Variants in ZNF536 observed in about 807,000 individuals in gnomAD.
ZNF536 encodes the protein zinc finger protein 536.
ZNF536 carries 13 observed loss-of-function variants against 84.5 expected under a neutral mutation model. The observed-to-expected ratio is 0.15, with a 90% CI of 0.10 to 0.24. The LOEUF (loss-of-function observed/expected upper bound fraction) is 0.24. Among genes scored for constraint, ZNF536 ranks in the 10% least tolerant of loss-of-function variants. The pLI is 1.00. For missense variants in ZNF536, 1,536 were observed against 1,747.5 expected, an observed-to-expected ratio of 0.88 and a Z score of 2.16; for synonymous variants, 811 against 742.5, an observed-to-expected ratio of 1.09 and a Z score of -1.50.
At chr19:30,644,176 C>T (rs1432826082) in intron 1 of ZNF536, among the ~76,000 whole-genome samples, 1 of 152,184 alleles carries the variant, frequency 6.6e-6, no homozygotes, top group Non-Finnish European at 1.5e-5. Context: ...GATCTGCAGT[C>T]AAAACACAGT....
chr19:30,631,429 CAG>C (rs1182484544), intron 1 of ZNF536, among the ~76,000 whole-genome samples: 1 of 152,206 alleles, frequency 6.6e-6, no homozygotes, highest in Non-Finnish European at 1.5e-5. Context: ...CCCCTCCCAC[CAG>C]GGTCCATGGA....
intron 2 of ZNF536, among the ~76,000 whole-genome samples, chr19:30,468,386 G>T (rs537101561): frequency 6.6e-6 from 1 of 152,174 alleles, no homozygotes; most frequent in East Asian, 1.9e-4. Flanking sequence ...GCCAAGCTTC[G>T]GTGGGCCTGG....
At chr19:30,435,665 CT>C (rs1413257198) in intron 1 of ZNF536, among the ~76,000 whole-genome samples, 1 of 152,070 alleles carries the variant, frequency 6.6e-6, no homozygotes, top group Non-Finnish European at 1.5e-5. Flanking sequence ...AGTCCATAGT[CT>C]TAACAACTAC....
At chr19:30,411,457 T>TA (rs1407223245) in intron 1 of ZNF536, among the ~76,000 whole-genome samples, 1 of 152,190 alleles carries the variant, frequency 6.6e-6, no homozygotes, top group Non-Finnish European at 1.5e-5. Flanking sequence ...CCAAGGATTA[T>TA]AAAAAAATTC....
chr19:30,395,029 G>A (rs560221259), intron 1 of ZNF536, among the ~76,000 whole-genome samples: 3 of 152,282 alleles, frequency 2.0e-5, no homozygotes, highest in African/African-American at 7.2e-5. Context: ...TCAGGGTTTA[G>A]TGTAATCCTT....
At chr19:30,515,752 C>T (rs2055611910) in intron 2 of ZNF536, among the ~76,000 whole-genome samples, 1 of 152,036 alleles carries the variant, frequency 6.6e-6, no homozygotes, top group Admixed American at 6.6e-5. Flanking sequence ...GGCGTGGTGG[C>T]TCACCCCTAT....
At chr19:30,431,901 C>T (rs1467828952) in intron 1 of ZNF536, among the ~76,000 whole-genome samples, 3 of 151,918 alleles carry the variant, frequency 2.0e-5, no homozygotes, top group African/African-American at 4.8e-5. Flanking sequence ...AGAAAGCCAG[C>T]GAGAGGAGAG....
chr19:30,248,134 G>A (rs1361742132), intron 1 of ZNF536, among the ~76,000 whole-genome samples: 2 of 152,090 alleles, frequency 1.3e-5, no homozygotes, highest in Non-Finnish European at 2.9e-5. Flanking sequence ...ACAAGGAAAT[G>A]ACTGATTGGT....
At chr19:30,436,227 C>T (rs1019750015) in intron 1 of ZNF536, among the ~76,000 whole-genome samples, 4 of 152,210 alleles carry the variant, frequency 2.6e-5, no homozygotes, top group African/African-American at 9.7e-5. Flanking sequence ...AGTTGTCATT[C>T]TCCACAGCCT....
At chr19:30,415,294 C>G (rs2084153582) in intron 1 of ZNF536, among the ~76,000 whole-genome samples, 1 of 142,606 alleles carries the variant, frequency 7.0e-6, no homozygotes, top group African/African-American at 2.6e-5. Context: ...CCTTCTTCTT[C>G]TTCTTCTTCT....
intron 2 of ZNF536, among the ~76,000 whole-genome samples, chr19:30,460,941 C>T (rs1357379407): frequency 6.6e-6 from 1 of 152,166 alleles, no homozygotes; most frequent in Non-Finnish European, 1.5e-5. Flanking sequence ...GCCTCTTCCC[C>T]AGGTAGAAAC....
intron 1 of ZNF536, among the ~76,000 whole-genome samples, chr19:30,425,862 T>A (rs2051191341): frequency 6.6e-6 from 1 of 152,202 alleles, no homozygotes; most frequent in African/African-American, 2.4e-5. Context: ...GGGACTGTGG[T>A]GGGCATGGAT....
chr19:30,511,802 C>T (rs942169194), intron 2 of ZNF536, among the ~76,000 whole-genome samples: 18 of 152,006 alleles, frequency 1.2e-4, no homozygotes, highest in East Asian at 1.9e-4. Flanking sequence ...GCAAGGAGAC[C>T]GTATGCACGT....
chr19:30,643,952 C>T (rs969611941), intron 1 of ZNF536, among the ~76,000 whole-genome samples: 1 of 152,184 alleles, frequency 6.6e-6, no homozygotes, highest in Non-Finnish European at 1.5e-5. Context: ...TAGAATGAAC[C>T]AAATTGAAAG....
At chr19:30,411,867 TAA>T (rs777946134) in intron 1 of ZNF536, among the ~76,000 whole-genome samples, 1 of 152,088 alleles carries the variant, frequency 6.6e-6, no homozygotes, top group Admixed American at 6.5e-5. Context: ...AGATTAATTT[TAA>T]AAAAATTTAT....
intron 3 of ZNF536, among the ~76,000 whole-genome samples, chr19:30,538,717 GGCT>G (rs1206867126): frequency 6.6e-6 from 1 of 152,200 alleles, no homozygotes; most frequent in East Asian, 1.9e-4. Flanking sequence ...AGACGTTGAT[GGCT>G]GCTTGACCCA....
chr19:30,676,733 C>T (rs2050766173), intron 1 of ZNF536, among the ~76,000 whole-genome samples: 1 of 152,182 alleles, frequency 6.6e-6, no homozygotes, highest in East Asian at 1.9e-4. Flanking sequence ...CTTGTCTTTT[C>T]TCCACACACA....
At position 30,606,230 on chromosome 19, in the gene ZNF536, A is replaced by AAAAT. The variant is rs1568596861; in HGVS notation, c.169+56717_169+56718insAATA. Among the ~76,000 whole-genome samples the AAAAT allele has an allele frequency of 5.7e-3, 422 of 74,488 alleles. 6 individuals are homozygous for AAAAT. Among genetic ancestry groups the AAAAT allele is most frequent in the Middle Eastern group, 0.011 (2 of 178 alleles). The allele number at this position is 74,488 out of a possible 152,430, so 48.9% of individuals were successfully genotyped here. A position where few individuals can be genotyped will look rare whatever the true frequency, so the allele number is the denominator to read the frequency against. On this transcript the variant is annotated intron_variant, in intron 1 of 1. Transcript: ENST00000592773. ...AATAAAATAAAATATAAAATAAAAT[A>AAAAT]ATAAAATAAAATAAAATAAAATAAA...
At chr19:30,505,036 A>G (rs184289019) in intron 2 of ZNF536, among the ~76,000 whole-genome samples, 1 of 152,246 alleles carries the variant, frequency 6.6e-6, no homozygotes, top group African/African-American at 2.4e-5. Flanking sequence ...ATTGATAACA[A>G]TGAGTATTGT....
Sources: allele counts gnomAD v4.1 joint callset (sites outside exome capture counted in the v4.1 genomes callset), GRCh38; gene constraint gnomAD v4.1.1; transcripts MANE v1.5; gene names NCBI Gene and HGNC (gene_info 2026-07-23, HGNC 2026-07-21).